The following NELFB variants were observed in gnomAD, a reference collection of about 807,000 sequenced individuals.
The protein encoded by NELFB is negative elongation factor B.
A neutral mutation model predicts 60.2 loss-of-function variants in NELFB; 34 were observed. That is an observed-to-expected ratio of 0.56 (90% CI 0.43 to 0.75). The LOEUF (loss-of-function observed/expected upper bound fraction) is 0.75. Ranked by LOEUF, NELFB falls within the 30% of genes least tolerant of loss-of-function variation. The pLI, the probability that NELFB is intolerant of heterozygous loss-of-function variation, is 0.00. For missense variants in NELFB, 770 were observed against 831.6 expected (o/e 0.93, Z 0.91); for synonymous variants, 459 against 382.1 (o/e 1.20, Z -2.35).
chr9:137,261,123 A>ACC (rs1830434770), intron 4 of NELFB, among the ~76,000 whole-genome samples: 2 of 151,378 alleles, frequency 1.3e-5, no homozygotes, highest in Admixed American at 6.6e-5. Context: ...CGGGTGGATC[A>ACC]TGAGGTCAGG....
chr9:137,256,386 C>T lies in NELFB; in HGVS notation c.468C>T (p.Ser156=). Residue 156 remains serine, a synonymous_variant, in exon 3 of 13, where the codon TCC becomes TCT. Coordinates refer to ENST00000343053, the MANE Select transcript of NELFB (RefSeq NM_015456.5). ...GCTTTTCTCTGGTGAAGATGCCGTC[C>T]CTGCAGCCCGTGGTGATGTGCGTCA... 1.2e-6 allele frequency: 2 copies of T among 1,613,988 alleles called. No individual in the cohort carries two copies. The highest frequency in any genetic ancestry group is 1.7e-6 in the Non-Finnish European group (2 of 1,180,026).
chr9:137,262,935 A>G, intron 4 of NELFB, 102 bp from the exon 5 acceptor site: 1 of 1,274,622 alleles, frequency 7.8e-7, no homozygotes, highest in African/African-American at 1.5e-5. Context: ...AGTAGGAAGG[A>G]CAGATGTCCA....
Position 137,260,672 on chromosome 9 carries a change from C to T in NELFB, c.742-2365C>T, listed in dbSNP as rs185853977. On this transcript the variant is annotated intron_variant, in intron 4 of 12. Transcript: ENST00000343053. Reference sequence around the variant, plus strand: ...TTCACCATGTTGGCCAGGCTGTTCTCGAACTCCTGGCCTCAGGTAGTCCAC... The same window carrying T: ...TTCACCATGTTGGCCAGGCTGTTCTTGAACTCCTGGCCTCAGGTAGTCCAC... Among the ~76,000 whole-genome samples, 617 of 151,902 alleles carry T rather than the reference C, an allele frequency of 4.1e-3. 2 individuals are homozygous for T. The highest frequency in any genetic ancestry group is 0.017 in the East Asian group (85 of 5,078).
At chr9:137,261,979 CAGAG>C (rs61420748) in intron 4 of NELFB, among the ~76,000 whole-genome samples, 18 of 150,240 alleles carry the variant, frequency 1.2e-4, no homozygotes, top group South Asian at 2.1e-4. Flanking sequence ...GCAGCCTAGG[CAGAG>C]AGAGAGAGAG....
At chr9:137,255,696 G>C (rs909998052) in intron 1 of NELFB, 85 bp downstream of exon 1, 76 of 1,463,274 alleles carry the variant, frequency 5.2e-5, no homozygotes, top group Non-Finnish European at 6.2e-5. Context: ...GGCGCCGGAA[G>C]TTTTCCGGCT....
At chr9:137,268,522 G>A (rs1830546044) in intron 10 of NELFB, among the ~76,000 whole-genome samples, 1 of 152,204 alleles carries the variant, frequency 6.6e-6, no homozygotes. Context: ...GGAGGTGGAG[G>A]TTGCAGTGAG....
chr9:137,266,402 C>T lies in NELFB; in HGVS notation c.1215C>T (p.Ser405=), dbSNP rs767297219. The T allele has an allele frequency of 6.2e-7, 1 of 1,612,938 alleles. No individual in the cohort carries two copies. Among genetic ancestry groups the T allele is most frequent in the Non-Finnish European group, 8.5e-7 (1 of 1,179,962 alleles). ...AGGGAGCCTGGGACATGATCGACAG[C>T]CAGGTCTTCAAGGAGCCCAAGATGG... Residue 405 remains serine, a synonymous_variant, in exon 8 of 13, where the codon AGC becomes AGT. Coordinates refer to ENST00000343053, the MANE Select transcript of NELFB (RefSeq NM_015456.5).
At chr9:137,259,975 C>T (rs190048876) in intron 4 of NELFB, among the ~76,000 whole-genome samples, 301 of 151,976 alleles carry the variant, frequency 2.0e-3, no homozygotes, top group Middle Eastern at 3.4e-3. Flanking sequence ...TGTGATCCAC[C>T]TGCCTCAGCC....
At position 137,255,620 on chromosome 9, in the gene NELFB, G is replaced by T; in HGVS notation, c.246+9G>T. ...CCATCGAGCAGTTCCAGGTGGGGCG[G>T]CCCCCGGGGCGGGGGGAGCCCAGTT... On this transcript the variant is annotated intron_variant, in intron 1 of 12. Transcript: ENST00000343053. 1.3e-6 allele frequency: 2 copies of T among 1,543,360 alleles called. No individual in the cohort carries two copies. The highest frequency in any genetic ancestry group is 1.7e-6 in the Non-Finnish European group (2 of 1,144,220).
rs1334479168 is a variant in NELFB, at chr9:137,257,532, C to T, written c.741+478C>T. ...TTTTTTTTTTTTTGAGACGGAGTTTCGCTATTGTTGCCCAGGCTGGAGTGC... is the reference window on the plus strand; with the variant it reads ...TTTTTTTTTTTTTGAGACGGAGTTTTGCTATTGTTGCCCAGGCTGGAGTGC... On this transcript the variant is annotated intron_variant, in intron 4 of 12. Coordinates refer to ENST00000343053, the MANE Select transcript of NELFB (RefSeq NM_015456.5). 4.3e-4 allele frequency among the ~76,000 whole-genome samples: 58 copies of T among 135,284 alleles called. 1 individual carries two copies. Among genetic ancestry groups the T allele is most frequent in the Middle Eastern group, 9.2e-3 (2 of 218 alleles). The allele number at this position is 135,284 out of a possible 152,430, so 88.8% of individuals were successfully genotyped here.
At position 137,273,174 on chromosome 9, in the gene NELFB, C is replaced by T; in HGVS notation, c.*246C>T. On this transcript the variant is annotated 3_prime_UTR_variant, in exon 13 of 13. Transcript: ENST00000343053. ...TACTTTGGCAGCCATAGAAAGCGTGCTCATTTTCTGTTTTCCTGTGTTAGG... is the reference window on the plus strand; with the variant it reads ...TACTTTGGCAGCCATAGAAAGCGTGTTCATTTTCTGTTTTCCTGTGTTAGG... 1 of 419,810 alleles carries T rather than the reference C, an allele frequency of 2.4e-6. No homozygotes were observed. The highest frequency in any genetic ancestry group is 4.2e-6 in the Non-Finnish European group (1 of 238,148). The allele number at this position is 419,810 out of a possible 1,614,324, so 26.0% of individuals were successfully genotyped here.
At chr9:137,262,980 C>T in intron 4 of NELFB, 57 bp from the exon 5 acceptor site, 3 of 1,579,010 alleles carry the variant, frequency 1.9e-6, no homozygotes, top group South Asian at 2.2e-5. Flanking sequence ...GCGTGACGTC[C>T]CTGTGTCTGG....
At position 137,264,282 on chromosome 9, in the gene NELFB, TC is replaced by T; in HGVS notation, c.966del (p.Phe322LeufsTer30). On this transcript the variant is annotated frameshift_variant, in exon 6 of 13. Coordinates refer to ENST00000343053, the MANE Select transcript of NELFB (RefSeq NM_015456.5). LOFTEE classifies it high-confidence loss of function. ...CTGGACGCCTGCATCCGAGAGCGGT[TC>T]GTGGACAGCAAGAGGGCGCGGGAGC... is the stretch of plus-strand genomic sequence containing the variant. The T allele has an allele frequency of 1.2e-6, 2 of 1,604,284 alleles. No homozygotes were observed. The highest frequency in any genetic ancestry group is 1.7e-6 in the Non-Finnish European group (2 of 1,176,530).
chr9:137,268,895 G>A (rs1830550998), intron 10 of NELFB, among the ~76,000 whole-genome samples: 2 of 152,168 alleles, frequency 1.3e-5, no homozygotes, highest in South Asian at 4.2e-4. Flanking sequence ...ACAGGACAGA[G>A]ACAGATGAGA....
At chr9:137,267,386 C>A in intron 10 of NELFB, 40 bp downstream of exon 10, 1 of 1,542,364 alleles carries the variant, frequency 6.5e-7, no homozygotes, top group South Asian at 1.2e-5. Flanking sequence ...GTCTTCCCTG[C>A]GGCAGCTGCC....
rs879281217 is a variant in NELFB at position 137,256,389 on chromosome 9, G to A, written c.471G>A (p.Leu157=). 1 of 1,614,008 alleles carries A rather than the reference G, an allele frequency of 6.2e-7. No individual in the cohort carries two copies. The highest frequency in any genetic ancestry group is 1.1e-5 in the South Asian group (1 of 91,076). The change falls in exon 3 of 13, where the codon CTG becomes CTA. Residue 157 remains leucine (L), a synonymous_variant. Transcript: ENST00000343053. ...TTTCTCTGGTGAAGATGCCGTCCCT[G>A]CAGCCCGTGGTGATGTGCGTCATGA...
Position 137,266,393 on chromosome 9 carries a change from G to A in NELFB, c.1206G>A (p.Met402Ile). The A allele has an allele frequency of 6.2e-7, 1 of 1,612,946 alleles. No homozygotes were observed. ...CGCTGGGCCAGGGAGCCTGGGACAT[G>A]ATCGACAGCCAGGTCTTCAAGGAGC... The change falls in exon 8 of 13, where the codon ATG (methionine) becomes ATA (isoleucine). Residue 402 changes from methionine (M) to isoleucine (I), a missense_variant. Transcript: ENST00000343053.
rs1055739770 is a variant in NELFB, at chr9:137,272,904, C to T, written c.1863C>T (p.Ser621=). 15 of 1,541,642 alleles carry T rather than the reference C, an allele frequency of 9.7e-6. No individual in the cohort carries two copies. Among genetic ancestry groups the T allele is most frequent in the Admixed American group, 5.9e-5 (3 of 50,482 alleles). Residue 621 remains serine, a synonymous_variant, in exon 13 of 13, where the codon AGC becomes AGT. Coordinates refer to ENST00000343053, the MANE Select transcript of NELFB (RefSeq NM_015456.5). ...CGGCCCTGGAGCTGCCCCTCCCCAG[C>T]GTGCCCGCCCCTGCCCCGCTCTGAG...
At chr9:137,264,034 A>G (rs999532431) in intron 5 of NELFB, among the ~76,000 whole-genome samples, 1 of 152,228 alleles carries the variant, frequency 6.6e-6, no homozygotes, top group African/African-American at 2.4e-5. Flanking sequence ...AGAAAGAAAC[A>G]TCATCACTTT....
Sources: gnomAD v4.1 joint callset for allele counts (sites outside exome capture counted in the v4.1 genomes callset) on GRCh38, gnomAD v4.1.1 for gene constraint, MANE v1.5 for transcripts, NCBI Gene and HGNC (gene_info 2026-07-23, HGNC 2026-07-21) for gene names.